MTMR8: variants seen among roughly 807,000 people sequenced by gnomAD.
MTMR8 encodes phosphatidylinositol-3,5-bisphosphate 3-phosphatase MTMR8.
In MTMR8, 65 loss-of-function variants were observed where a neutral mutation model predicts 39.3. The ratio of observed to expected loss-of-function variants is 1.65; its 90% CI spans 1.35 to 2.03. The LOEUF is 2.03. Ranked by LOEUF, MTMR8 falls within the 30% of genes most tolerant of loss-of-function variation. The pLI, the probability that MTMR8 is intolerant of heterozygous loss-of-function variation, is 0.00. For synonymous variants in MTMR8, 245 were observed against 185.2 expected (o/e 1.32, Z -2.62); for missense variants, 777 against 538.9 (o/e 1.44, Z -4.37).
intron 9 of MTMR8, 41 bp downstream of exon 9, chrX:64,337,223 ATCTG>A: frequency 8.6e-7 from 1 of 1,160,372 alleles, no homozygotes; most frequent in East Asian, 3.0e-5. Context: ...TTTTGTCGCA[ATCTG>A]TCTCTTACAC....
At chrX:64,339,647 G>A (rs1312732684) in intron 8 of MTMR8, among the ~76,000 whole-genome samples, 1 of 110,946 alleles carries the variant, frequency 9.0e-6, no homozygotes, top group African/African-American at 3.3e-5. Context: ...GAGAGAAGAA[G>A]CCAGTTGAAA....
At chrX:64,333,936 T>C (rs1316746855) in intron 10 of MTMR8, among the ~76,000 whole-genome samples, 1 of 111,795 alleles carries the variant, frequency 8.9e-6, no homozygotes, top group Non-Finnish European at 1.9e-5. Context: ...CACTAATCAC[T>C]CTTTCACAGT....
intron 12 of MTMR8, among the ~76,000 whole-genome samples, chrX:64,284,594 A>G (rs1416674051): frequency 2.7e-5 from 3 of 111,997 alleles, no homozygotes; most frequent in African/African-American, 9.8e-5. Flanking sequence ...ATTACCCACA[A>G]AGGGAACCCC....
chrX:64,286,962 G>A (rs1329300436), intron 12 of MTMR8, among the ~76,000 whole-genome samples: 9 of 111,373 alleles, frequency 8.1e-5, no homozygotes, highest in Admixed American at 2.9e-4. Context: ...GTTCTGGCCA[G>A]GGCAATCAGG....
At chrX:64,273,238 T>A (rs1333368399) in intron 12 of MTMR8, among the ~76,000 whole-genome samples, 1 of 111,310 alleles carries the variant, frequency 9.0e-6, no homozygotes, top group Non-Finnish European at 1.9e-5. Context: ...TTAGAATAAT[T>A]ATAAAGTATG....
chrX:64,337,316 C>T lies in MTMR8; in HGVS notation c.1053G>A (p.Val351=). The T allele has an allele frequency of 1.7e-6, 2 of 1,209,885 alleles. No individual in the cohort carries two copies. The highest frequency in any genetic ancestry group is 2.2e-6 in the Non-Finnish European group (2 of 894,213). ...AAAATGGATCTAGGAGGATGCTAGC[C>T]ACTGAGCAGACTTGTGCTGTGCGGT... The part of the protein sequence containing the change: ...GWDRTAQVCS[V]ASILLDPFYR... The change falls in exon 9 of 14, where the codon GTG becomes GTA. Residue 351 remains valine (V), a synonymous_variant. Transcript: ENST00000374852.
chrX:64,315,277 C>A (rs749843565), intron 12 of MTMR8, among the ~76,000 whole-genome samples: 20 of 112,084 alleles, frequency 1.8e-4, no homozygotes, highest in Non-Finnish European at 1.9e-4. Flanking sequence ...CCCATTCCCC[C>A]ATTGTTGTTA....
At chrX:64,393,811 T>G (rs1053862943) in intron 1 of MTMR8, among the ~76,000 whole-genome samples, 1 of 112,260 alleles carries the variant, frequency 8.9e-6, no homozygotes, top group Non-Finnish European at 1.9e-5. Flanking sequence ...GAGTTTGTGC[T>G]TTGCCCATCA....
At chrX:64,392,041 A>G (rs770007520) in intron 1 of MTMR8, among the ~76,000 whole-genome samples, 83 of 111,970 alleles carry the variant, frequency 7.4e-4, no homozygotes, top group Non-Finnish European at 1.0e-3. Flanking sequence ...TACATAGAAC[A>G]AATTCTGATT....
At chrX:64,363,851 G>A (rs767379350) in intron 1 of MTMR8, among the ~76,000 whole-genome samples, 13 of 111,630 alleles carry the variant, frequency 1.2e-4, no homozygotes, top group South Asian at 3.8e-4. Context: ...AAGACGTGAC[G>A]GACTGTACCT....
chrX:64,297,902 C>A (rs1474885706), intron 12 of MTMR8, among the ~76,000 whole-genome samples: 1 of 101,982 alleles, frequency 9.8e-6, no homozygotes, highest in African/African-American at 3.6e-5. Context: ...AGGTAGGCGG[C>A]GTTATTTCTG....
intron 1 of MTMR8, among the ~76,000 whole-genome samples, chrX:64,370,557 T>G (rs1357703328): frequency 1.8e-5 from 2 of 111,583 alleles, no homozygotes; most frequent in Non-Finnish European, 3.8e-5. Flanking sequence ...TGGTATCACC[T>G]TTTTCCCTGA....
At chrX:64,294,699 A>G (rs994074628) in intron 12 of MTMR8, among the ~76,000 whole-genome samples, 14 of 111,774 alleles carry the variant, frequency 1.3e-4, no homozygotes, top group Non-Finnish European at 2.3e-4. Context: ...TCCTCTTCCT[A>G]CTTCATAGAT....
At chrX:64,387,694 G>C (rs1924597873) in intron 1 of MTMR8, among the ~76,000 whole-genome samples, 1 of 105,687 alleles carries the variant, frequency 9.5e-6, no homozygotes, top group Admixed American at 1.0e-4. Flanking sequence ...GGGGAAGAGA[G>C]AATGAGAGAG....
intron 12 of MTMR8, among the ~76,000 whole-genome samples, chrX:64,322,402 G>A (rs953491343): frequency 1.8e-5 from 2 of 111,596 alleles, no homozygotes; most frequent in African/African-American, 6.5e-5. Context: ...TTTTGTATTA[G>A]AGTATGCTGT....
At chrX:64,363,431 G>A (rs1368557746) in intron 1 of MTMR8, among the ~76,000 whole-genome samples, 1 of 110,971 alleles carries the variant, frequency 9.0e-6, no homozygotes, top group African/African-American at 3.3e-5. Flanking sequence ...AAAGGTGTGT[G>A]GCACTTTGCA....
intron 1 of MTMR8, among the ~76,000 whole-genome samples, chrX:64,362,050 A>T (rs965357295): frequency 9.0e-6 from 1 of 111,151 alleles, no homozygotes; most frequent in Non-Finnish European, 1.9e-5. Flanking sequence ...CTTAAAAAAC[A>T]TAATTAAAAA....
At chrX:64,300,555 T>A (rs1360536604) in intron 12 of MTMR8, among the ~76,000 whole-genome samples, 14 of 107,548 alleles carry the variant, frequency 1.3e-4, no homozygotes, top group Non-Finnish European at 9.6e-5. Context: ...GTCTTTTAAT[T>A]GGAGAATTTA....
intron 1 of MTMR8, among the ~76,000 whole-genome samples, chrX:64,380,703 C>A (rs1310793932): frequency 1.8e-5 from 2 of 111,873 alleles, no homozygotes; most frequent in Non-Finnish European, 1.9e-5. Context: ...AGTAACTCAT[C>A]ATTTAACATT....
Sources: allele counts gnomAD v4.1 joint callset (sites outside exome capture counted in the v4.1 genomes callset), GRCh38; gene constraint gnomAD v4.1.1; transcripts MANE v1.5; gene names NCBI Gene and HGNC (gene_info 2026-07-23, HGNC 2026-07-21).